Variants in TRPM6 observed in about 807,000 individuals in gnomAD.
TRPM6 encodes the protein channel kinase 2.
Under a neutral mutation model 247.6 loss-of-function variants are expected in TRPM6, and 111 were observed. The observed-to-expected ratio is 0.45, with a 90% CI of 0.38 to 0.52. TRPM6 has a LOEUF of 0.52. TRPM6 is among the 20% of genes least tolerant of loss of function. The pLI, the probability that TRPM6 is intolerant of heterozygous loss-of-function variation, is 0.00. For missense variants in TRPM6, 2,126 were observed against 2,421.5 expected, an observed-to-expected ratio of 0.88 and a Z score of 2.56; for synonymous variants, 892 against 853.8, an observed-to-expected ratio of 1.04 and a Z score of -0.78.
intron 31 of TRPM6, among the ~76,000 whole-genome samples, chr9:74,744,517 G>A (rs548819400): frequency 1.6e-4 from 24 of 152,200 alleles, no homozygotes; most frequent in African/African-American, 4.3e-4. Flanking sequence ...TGCAGTGCCC[G>A]TAGAAAGACA....
In TRPM6 at chr9:74,733,585, T is replaced by G. The variant is rs1825596536; in HGVS notation, c.5777-849A>C. Reference sequence around the variant, plus strand: ...TACATTTTATCCTCATTTACATCAATGAGTACACTGATGTTCAAACCAATT... The same window carrying G: ...TACATTTTATCCTCATTTACATCAAGGAGTACACTGATGTTCAAACCAATT... On this transcript the variant is annotated intron_variant, in intron 36 of 38. Transcript: ENST00000360774. 2.0e-5 allele frequency among the ~76,000 whole-genome samples: 3 copies of G among 152,358 alleles called. No individual in the cohort carries two copies. The South Asian group carries it at 6.2e-4, about 32-fold the overall frequency.
At chr9:74,812,560 G>T in intron 11 of TRPM6, 127 bp from the exon 12 acceptor site, 1 of 931,642 alleles carries the variant, frequency 1.1e-6, no homozygotes, top group Non-Finnish European at 1.6e-6. Flanking sequence ...GCCATCAGTG[G>T]GTACAGAAAA....
chr9:74,782,438 GA>G lies in TRPM6; in HGVS notation c.3132del (p.Thr1046LeufsTer17), dbSNP rs1827495984. ...TAGACAGCTTGCAAGAATGGAGTAA[GA>G]AAAGAACCAGGAGGGCAGGATGGCT... Reference protein sequence around the residue: ...SSQPSCPPGSFLTPFLQAVYL... With the variant: ...SSQPSCPPGSXLTPFLQAVYL... On this transcript the variant is annotated frameshift_variant, in exon 23 of 39. Transcript: ENST00000360774. LOFTEE classifies it high-confidence loss of function. 6.2e-7 allele frequency: 1 copy of G among 1,613,932 alleles called. No homozygotes were observed. The highest frequency in any genetic ancestry group is 1.7e-5 in the Admixed American group (1 of 59,990).
At position 74,842,262 on chromosome 9, in the gene TRPM6, A is replaced by T. The variant is rs1001783285; in HGVS notation, c.234T>A (p.Ser78Arg). Reference sequence around the variant, plus strand: ...TGTGCTTTTCAACAGACCATTGTTCACTTTCTTTACCCTTGGCAGCTGAGA... The same window carrying T: ...TGTGCTTTTCAACAGACCATTGTTCTCTTTCTTTACCCTTGGCAGCTGAGA... Reference protein sequence around the residue: ...WTISAAKGKESEQWSVEKHTT... With the variant: ...WTISAAKGKEREQWSVEKHTT... The change falls in exon 4 of 39, where the codon AGT (serine) becomes AGA (arginine). Residue 78 changes from serine to arginine, a missense_variant. Ser to Arg is a moderately radical substitution (Grantham distance 110). Transcript: ENST00000360774. 4 of 1,613,994 alleles carry T rather than the reference A, an allele frequency of 2.5e-6. No individual in the cohort carries two copies. In the African/African-American group the frequency reaches 5.3e-5, roughly 22 times the overall value.
At chr9:74,752,236 T>C in intron 29 of TRPM6, 41 bp downstream of exon 29, 1 of 1,233,042 alleles carries the variant, frequency 8.1e-7, no homozygotes, top group African/African-American at 1.5e-5. Flanking sequence ...TAGCACTGCA[T>C]GCTCGAATGC....
intron 1 of TRPM6, among the ~76,000 whole-genome samples, chr9:74,879,227 A>G (rs780543214): frequency 3.3e-5 from 5 of 151,726 alleles, no homozygotes; most frequent in African/African-American, 7.2e-5. Context: ...TCAAGCAGAA[A>G]GAATATGAGC....
chr9:74,738,507 A>T lies in TRPM6; in HGVS notation c.5676T>A (p.Asp1892Glu). The change falls in exon 36 of 39, where the codon GAT becomes GAA. Residue 1892 changes from aspartate to glutamate, a missense_variant. Physicochemically the swap from Asp to Glu is conservative, Grantham distance 45. Around this residue, in one of 3 missense-constraint regions of TRPM6, gnomAD observed 327 missense variants for 397.7 expected, o/e 0.82. Transcript: ENST00000360774. ...EFRKYNNNNG[D>E]EITPTNTLEE... ...CCAGGGTGTTGGTGGGGGTGATTTC[A>T]TCACCATTGTTGTTGTTATACTTCC... The T allele has an allele frequency of 6.2e-7, 1 of 1,614,140 alleles. No individual in the cohort carries two copies. The highest frequency in any genetic ancestry group is 8.5e-7 in the Non-Finnish European group (1 of 1,179,984).
chr9:74,828,723 A>T (rs916092223), intron 6 of TRPM6, among the ~76,000 whole-genome samples: 1 of 151,216 alleles, frequency 6.6e-6, no homozygotes, highest in Non-Finnish European at 1.5e-5. Flanking sequence ...TAGCCTCCCA[A>T]GTTCAAGCGA....
chr9:74,787,180 C>T (rs1827709911), intron 20 of TRPM6, among the ~76,000 whole-genome samples: 1 of 151,892 alleles, frequency 6.6e-6, no homozygotes, highest in Non-Finnish European at 1.5e-5. Context: ...GCTAAAAATA[C>T]AAAAATTAGC....
At chr9:74,764,501 C>T (rs1024704932) in intron 25 of TRPM6, among the ~76,000 whole-genome samples, 6 of 152,166 alleles carry the variant, frequency 3.9e-5, no homozygotes, top group African/African-American at 1.4e-4. Context: ...ACACCAGAAG[C>T]TAGAAGAGGC....
At position 74,762,630 on chromosome 9, in the gene TRPM6, G is replaced by C. The variant is rs778404634; in HGVS notation, c.4041C>G (p.Val1347=). 5 of 1,614,164 alleles carry C rather than the reference G, an allele frequency of 3.1e-6. No homozygotes were observed. Among genetic ancestry groups the C allele is most frequent in the Non-Finnish European group, 3.4e-6 (4 of 1,180,026 alleles). The change falls in exon 26 of 39, where the codon GTC becomes GTG. Residue 1347 remains valine (V), a synonymous_variant. Transcript: ENST00000360774. ...AHSKYGQFLL[V]PSNLKRVPFS... The stretch of plus-strand genomic sequence containing the variant: ...AAGGAACTCGCTTTAGATTAGAGGG[G>C]ACCAGAAGAAACTGGCCATACTTTG...
intron 21 of TRPM6, among the ~76,000 whole-genome samples, chr9:74,784,264 GAAAAAA>G (rs561088762): frequency 1.2e-5 from 1 of 81,802 alleles, no homozygotes; most frequent in African/African-American, 4.1e-5. Context: ...CTCCATCTCA[GAAAAAA>G]AAAAAAAAAG....
At chr9:74,781,536 CAA>C (rs35938872) in intron 23 of TRPM6, among the ~76,000 whole-genome samples, 13 of 93,524 alleles carry the variant, frequency 1.4e-4, no homozygotes, top group African/African-American at 2.6e-4. Context: ...GACTCTATCT[CAA>C]AAAAAAAAAA....
intron 27 of TRPM6, among the ~76,000 whole-genome samples, chr9:74,757,635 C>T (rs977068819): frequency 3.3e-5 from 5 of 149,496 alleles, no homozygotes; most frequent in African/African-American, 9.9e-5. Context: ...ACAGGCCAGC[C>T]GGGCATGGTG....
intron 23 of TRPM6, among the ~76,000 whole-genome samples, chr9:74,781,226 G>A (rs1368298582): frequency 6.6e-6 from 1 of 151,992 alleles, no homozygotes; most frequent in Non-Finnish European, 1.5e-5. Flanking sequence ...TTGAGAAGTA[G>A]TGAGAAGTGA....
At chr9:74,779,125 A>T (rs973690428) in intron 23 of TRPM6, among the ~76,000 whole-genome samples, 40 of 152,042 alleles carry the variant, frequency 2.6e-4, no homozygotes, top group Non-Finnish European at 4.7e-4. Flanking sequence ...AAAAATACAA[A>T]ATTTAGCTGG....
chr9:74,773,157 C>T (rs1292203645), intron 24 of TRPM6, among the ~76,000 whole-genome samples: 1 of 152,044 alleles, frequency 6.6e-6, no homozygotes, highest in African/African-American at 2.4e-5. Flanking sequence ...ACAACAAAAA[C>T]CCTACCAATC....
chr9:74,870,864 G>A (rs1831001634), intron 1 of TRPM6, among the ~76,000 whole-genome samples: 1 of 151,854 alleles, frequency 6.6e-6, no homozygotes, highest in Admixed American at 6.6e-5. Flanking sequence ...GCTTGAATTT[G>A]GGAGGTTGCA....
At position 74,723,006 on chromosome 9, in the gene TRPM6, G is replaced by C. The variant is rs775014197; in HGVS notation, c.*1607C>G. The C allele has an allele frequency of 6.6e-6, 1 of 152,164 alleles. No individual in the cohort carries two copies. Among genetic ancestry groups the C allele is most frequent in the Non-Finnish European group, 1.5e-5 (1 of 68,032 alleles). 9.4% of individuals were successfully genotyped at this position (152,164 alleles called of 1,614,324 possible). On this transcript the variant is annotated 3_prime_UTR_variant, in exon 39 of 39. Coordinates refer to ENST00000360774, the MANE Select transcript of TRPM6 (RefSeq NM_017662.5). ...CAGGAGGTTTGCTGCCTGTGAACTGGAACAGCTTATAATAAGAAAGGAGAT... is the reference window on the plus strand; with the variant it reads ...CAGGAGGTTTGCTGCCTGTGAACTGCAACAGCTTATAATAAGAAAGGAGAT...
Sources: allele counts gnomAD v4.1 joint callset (sites outside exome capture counted in the v4.1 genomes callset), GRCh38; gene constraint gnomAD v4.1.1; regional missense constraint gnomAD v4.1.1; transcripts MANE v1.5; gene names NCBI Gene and HGNC (gene_info 2026-07-23, HGNC 2026-07-21).